Variants in FOCAD observed in about 807,000 individuals in gnomAD.
The protein encoded by FOCAD is KIAA1797.
Under a neutral mutation model 225.6 loss-of-function variants are expected in FOCAD, and 198 were observed. That is an observed-to-expected ratio of 0.88 (90% CI 0.78 to 0.99). The LOEUF is 0.99. Ranked by LOEUF, FOCAD falls within the 50% of genes least tolerant of loss-of-function variation. The pLI is 0.00. For synonymous variants in FOCAD, 897 were observed against 755.0 expected (o/e 1.19, Z -3.08); for missense variants, 2,713 against 2,123.6 (o/e 1.28, Z -5.46).
intron 4 of FOCAD, among the ~76,000 whole-genome samples, chr9:20,723,452 C>T (rs1031213040): frequency 3.6e-4 from 55 of 152,206 alleles, no homozygotes; most frequent in African/African-American, 1.3e-3. Flanking sequence ...TGAAATTGCA[C>T]CACTGCACTC....
chr9:20,941,298 A>C (rs960728832), intron 28 of FOCAD, among the ~76,000 whole-genome samples: 2 of 152,166 alleles, frequency 1.3e-5, no homozygotes, highest in Non-Finnish European at 2.9e-5. Context: ...TGCCATTGTG[A>C]TCCTCACAGC....
chr9:20,968,278 T>A (rs1385886020), intron 35 of FOCAD, among the ~76,000 whole-genome samples: 2 of 152,074 alleles, frequency 1.3e-5, no homozygotes, highest in African/African-American at 4.8e-5. Flanking sequence ...TCCTTTTTAT[T>A]TCTGCAAGGT....
intron 21 of FOCAD, among the ~76,000 whole-genome samples, chr9:20,901,618 A>T (rs1213136336): frequency 6.6e-6 from 1 of 151,872 alleles, no homozygotes; most frequent in Non-Finnish European, 1.5e-5. Context: ...AACTAGATGG[A>T]TATGTAGTCC....
chr9:20,764,914 T>G lies in FOCAD; in HGVS notation c.540T>G (p.Tyr180Ter). 1 of 1,614,170 alleles carries G rather than the reference T, an allele frequency of 6.2e-7. No individual in the cohort carries two copies. The highest frequency in any genetic ancestry group is 8.5e-7 in the Non-Finnish European group (1 of 1,180,024). Residue 180 changes from tyrosine (Y) to a stop codon, truncating the protein, a stop_gained, in exon 7 of 44, where the codon TAT becomes TAG. Coordinates refer to ENST00000338382, the MANE Select transcript of FOCAD (RefSeq NM_001375567.1). LOFTEE classifies it high-confidence loss of function. ...AAATAATGGCACCATTTCTGTGGTA[T>G]CTGTATTGTGAACCATCTCAGTTAC... ...CIQIMAPFLW[Y>*]LYCEPSQLQE...
chr9:20,818,239 TG>T (rs1448583783), intron 11 of FOCAD, among the ~76,000 whole-genome samples: 1 of 152,138 alleles, frequency 6.6e-6, no homozygotes, highest in African/African-American at 2.4e-5. Context: ...GGTAAATTAT[TG>T]GGTTTTAAGA....
chr9:20,809,268 A>G (rs1822794523), intron 11 of FOCAD, among the ~76,000 whole-genome samples: 2 of 152,190 alleles, frequency 1.3e-5, no homozygotes, highest in South Asian at 4.1e-4. Flanking sequence ...AGCTTTGTCC[A>G]AAAGAACTTT....
At chr9:20,885,052 C>G in intron 20 of FOCAD, 57 bp from the exon 21 acceptor site, 1 of 1,069,054 alleles carries the variant, frequency 9.4e-7, no homozygotes. Context: ...GAGTGAGATT[C>G]TGTCTTAAAA....
At chr9:20,980,423 ATCCTT>A (rs966195935) in intron 37 of FOCAD, among the ~76,000 whole-genome samples, 1 of 152,004 alleles carries the variant, frequency 6.6e-6, no homozygotes, top group Non-Finnish European at 1.5e-5. Flanking sequence ...AATTTTACTT[ATCCTT>A]TCATTTATCT....
chr9:20,785,090 A>G (rs1819778520), intron 10 of FOCAD, among the ~76,000 whole-genome samples: 1 of 152,118 alleles, frequency 6.6e-6, no homozygotes, highest in Admixed American at 6.5e-5. Flanking sequence ...ACTTTGGTAT[A>G]TATTAACTGG....
chr9:20,986,266 A>AGTTTTTTTTTTTTTTTTTTTTTTT, intron 39 of FOCAD, 22 bp from the exon 40 acceptor site: 1 of 705,686 alleles, frequency 1.4e-6, no homozygotes, highest in Non-Finnish European at 1.8e-6. Context: ...TAACTAAACA[A>AGTTTTTTTTTTTTTTTTTTTTTTT]TTTTTTTTTT....
chr9:20,773,493 G>A (rs1385462883), intron 8 of FOCAD, among the ~76,000 whole-genome samples: 1 of 152,132 alleles, frequency 6.6e-6, no homozygotes, highest in Non-Finnish European at 1.5e-5. Flanking sequence ...ATAGCACATA[G>A]ATCAAAACAT....
chr9:20,837,937 A>G (rs1826154226), intron 15 of FOCAD, among the ~76,000 whole-genome samples: 1 of 152,116 alleles, frequency 6.6e-6, no homozygotes, highest in Non-Finnish European at 1.5e-5. Context: ...ATAAAATAAC[A>G]TATACTGAAA....
intron 4 of FOCAD, among the ~76,000 whole-genome samples, chr9:20,722,772 G>A (rs1825887266): frequency 6.6e-6 from 1 of 152,056 alleles, no homozygotes; most frequent in East Asian, 1.9e-4. Context: ...TCATTTATTG[G>A]TTGATCTTGT....
At chr9:20,745,632 G>C (rs1203813809) in intron 5 of FOCAD, among the ~76,000 whole-genome samples, 1 of 152,100 alleles carries the variant, frequency 6.6e-6, no homozygotes, top group African/African-American at 2.4e-5. Context: ...TCTTCCCTCA[G>C]CTAAAGTGAG....
At chr9:20,911,331 A>ATG (rs1833420166) in intron 22 of FOCAD, among the ~76,000 whole-genome samples, 1 of 152,116 alleles carries the variant, frequency 6.6e-6, no homozygotes, top group Non-Finnish European at 1.5e-5. Context: ...GCCCCAGGGT[A>ATG]TGGTGAGTCG....
At chr9:20,990,680 C>T (rs1266255376) in intron 42 of FOCAD, among the ~76,000 whole-genome samples, 4 of 152,148 alleles carry the variant, frequency 2.6e-5, no homozygotes, top group Non-Finnish European at 5.9e-5. Context: ...GTGAGTATGT[C>T]TCAGAGCTCA....
In FOCAD at chr9:20,988,334, G is replaced by A. The variant is rs755671239; in HGVS notation, c.4909G>A (p.Val1637Ile). 27 of 1,596,608 alleles carry A rather than the reference G, an allele frequency of 1.7e-5. No homozygotes were observed. Among genetic ancestry groups the A allele is most frequent in the Middle Eastern group, 1.7e-4 (1 of 6,032 alleles). The change falls in exon 41 of 44, where the codon GTT (valine) becomes ATT (isoleucine). Residue 1637 changes from valine (V) to isoleucine (I), a missense_variant and splice_region_variant. Physicochemically the swap from Val to Ile is conservative, Grantham distance 29. Coordinates refer to ENST00000338382, the MANE Select transcript of FOCAD (RefSeq NM_001375567.1). ...AGAAAATACCCTTTTCATTTCAGGC[G>A]TTTTGAAGAGAATGGAGTGGCTCTT... ...ARIVSHANTG[V>I]LKRMEWLLEL...
chr9:20,841,922 G>A (rs1342555652), intron 15 of FOCAD, among the ~76,000 whole-genome samples: 1 of 151,808 alleles, frequency 6.6e-6, no homozygotes, highest in African/African-American at 2.4e-5. Flanking sequence ...TGCTTTTGCT[G>A]TATCCCATAG....
chr9:20,995,045 G>C (rs1169230765), intron 43 of FOCAD, among the ~76,000 whole-genome samples: 1 of 152,142 alleles, frequency 6.6e-6, no homozygotes, highest in Non-Finnish European at 1.5e-5. Flanking sequence ...TGAGGGACCT[G>C]TGACAGATCA....
Sources: gnomAD v4.1 joint callset for allele counts (sites outside exome capture counted in the v4.1 genomes callset) on GRCh38, gnomAD v4.1.1 for gene constraint, MANE v1.5 for transcripts, NCBI Gene and HGNC (gene_info 2026-07-23, HGNC 2026-07-21) for gene names.